ATF6: variants seen among roughly 807,000 people sequenced by gnomAD.
The protein encoded by ATF6 is activating transcription factor 6, also known as cyclic AMP-dependent transcription factor ATF-6 alpha.
ATF6 carries 53 observed loss-of-function variants against 83.6 expected under a neutral mutation model. The observed-to-expected ratio is 0.63, with a 90% CI of 0.51 to 0.80. ATF6 has a LOEUF of 0.80. ATF6 is among the 30% of genes least tolerant of loss of function. The probability of loss-of-function intolerance (pLI) is 0.00; values close to 1 mark genes in which losing one functional copy is unlikely to be tolerated. For missense variants in ATF6, 744 were observed against 797.9 expected, an observed-to-expected ratio of 0.93 and a Z score of 0.81; for synonymous variants, 288 against 285.8, an observed-to-expected ratio of 1.01 and a Z score of -0.08.
intron 11 of ATF6, 78 bp downstream of exon 11, chr1:161,851,913 C>A: frequency 3.0e-6 from 3 of 986,126 alleles, no homozygotes; most frequent in South Asian, 2.8e-5. Context: ...AGTAATTGGT[C>A]AAGTTCACTA....
chr1:161,953,466 G>A (rs1208459448), intron 15 of ATF6, among the ~76,000 whole-genome samples: 1 of 152,064 alleles, frequency 6.6e-6, no homozygotes. Flanking sequence ...AACTAGACAA[G>A]CTCTCCCTAT....
At chr1:161,858,862 T>C (rs919309036) in intron 12 of ATF6, among the ~76,000 whole-genome samples, 6 of 152,206 alleles carry the variant, frequency 3.9e-5, no homozygotes, top group African/African-American at 1.4e-4. Flanking sequence ...TCTCTGTAAC[T>C]TGGCTTTTCC....
Position 161,963,551 on chromosome 1 carries a change from T to C in ATF6, c.*4897T>C, listed in dbSNP as rs1689146744. 6.6e-6 allele frequency: 1 copy of C among 152,204 alleles called. No individual in the cohort carries two copies. The highest frequency in any genetic ancestry group is 6.5e-5 in the Admixed American group (1 of 15,284). 9.4% of individuals were successfully genotyped at this position (152,204 alleles called of 1,614,324 possible). The stretch of plus-strand genomic sequence containing the variant: ...ACACTATTGTGCTGTTTGCTCTCAA[T>C]GAAGTTGAATAAACCAGGAGGCTTG... On this transcript the variant is annotated 3_prime_UTR_variant, in exon 16 of 16. Coordinates refer to ENST00000367942, the MANE Select transcript of ATF6 (RefSeq NM_007348.4).
intron 7 of ATF6, among the ~76,000 whole-genome samples, chr1:161,813,945 T>C (rs574690011): frequency 1.3e-4 from 19 of 151,620 alleles, no homozygotes; most frequent in Admixed American, 3.9e-4. Context: ...AGTGCAATGG[T>C]GTGATCTCGG....
chr1:161,823,074 C>T (rs1050289582), intron 9 of ATF6, among the ~76,000 whole-genome samples: 7 of 151,756 alleles, frequency 4.6e-5, no homozygotes, highest in Non-Finnish European at 1.0e-4. Context: ...CTTGGGAACC[C>T]CTTTGTACCC....
chr1:161,925,621 T>C (rs1688297763), intron 15 of ATF6, among the ~76,000 whole-genome samples: 1 of 152,186 alleles, frequency 6.6e-6, no homozygotes, highest in Admixed American at 6.5e-5. Flanking sequence ...CCCTGCTAAA[T>C]TGGAGGCTTC....
chr1:161,840,908 C>T (rs773337154), intron 9 of ATF6, among the ~76,000 whole-genome samples: 30 of 152,066 alleles, frequency 2.0e-4, no homozygotes, highest in African/African-American at 2.9e-4. Context: ...TTGTTTTAAA[C>T]GTACTGAGTA....
chr1:161,785,028 T>C (rs1414514880), intron 4 of ATF6, among the ~76,000 whole-genome samples: 1 of 152,218 alleles, frequency 6.6e-6, no homozygotes, highest in African/African-American at 2.4e-5. Flanking sequence ...CTTTCCATGA[T>C]CTGGCCCCCA....
intron 14 of ATF6, among the ~76,000 whole-genome samples, chr1:161,897,041 C>T (rs1687689578): frequency 6.6e-6 from 1 of 152,186 alleles, no homozygotes. Flanking sequence ...AACAAATTAA[C>T]ATCCCTTTCA....
At chr1:161,928,115 C>T (rs1688355149) in intron 15 of ATF6, among the ~76,000 whole-genome samples, 4 of 152,126 alleles carry the variant, frequency 2.6e-5, no homozygotes, top group Admixed American at 2.6e-4. Context: ...TAAACATTTT[C>T]CCCATTTTAC....
In ATF6 at chr1:161,802,064, T is replaced by C; in HGVS notation, c.701T>C (p.Leu234Ser). The change falls in exon 7 of 16, where the codon TTG (leucine) becomes TCG (serine). Residue 234 changes from leucine to serine, a missense_variant. Physicochemically the swap from Leu to Ser is moderately radical, Grantham distance 145 (BLOSUM62 -2). Coordinates refer to ENST00000367942, the MANE Select transcript of ATF6 (RefSeq NM_007348.4). ...TTTTCTAACGCAGGCCAGACGGTTT[T>C]GCTGTCTCAGCCTACTGTGGTACAA... ...QPAPTKGQTVLLSQPTVVQLQ... is the reference protein window; with the variant it reads ...QPAPTKGQTVSLSQPTVVQLQ... 1 of 1,614,096 alleles carries C rather than the reference T, an allele frequency of 6.2e-7. No homozygotes were observed. The highest frequency in any genetic ancestry group is 1.1e-5 in the South Asian group (1 of 91,088).
intron 7 of ATF6, among the ~76,000 whole-genome samples, chr1:161,809,865 T>C (rs1049946107): frequency 6.6e-6 from 1 of 152,254 alleles, no homozygotes; most frequent in African/African-American, 2.4e-5. Flanking sequence ...GTTCATATCT[T>C]TCGCCCACTT....
intron 15 of ATF6, among the ~76,000 whole-genome samples, chr1:161,945,977 CAGACCT>C (rs1371881739): frequency 2.0e-5 from 3 of 152,150 alleles, no homozygotes; most frequent in Admixed American, 6.5e-5. Context: ...TACCTGACTT[CAGACCT>C]ACAGAGTCTG....
chr1:161,825,842 T>C (rs1354985453), intron 9 of ATF6, among the ~76,000 whole-genome samples: 1 of 152,144 alleles, frequency 6.6e-6, no homozygotes, highest in Non-Finnish European at 1.5e-5. Context: ...GGTTGAGGGA[T>C]GGGACTGAAA....
intron 9 of ATF6, among the ~76,000 whole-genome samples, chr1:161,823,035 G>A (rs1223553489): frequency 6.6e-6 from 1 of 152,010 alleles, no homozygotes; most frequent in Non-Finnish European, 1.5e-5. Flanking sequence ...TAGTGTAAAT[G>A]TGCCATAATT....
At chr1:161,845,586 A>G (rs866496532) in intron 9 of ATF6, among the ~76,000 whole-genome samples, 2 of 151,936 alleles carry the variant, frequency 1.3e-5, no homozygotes, top group African/African-American at 2.4e-5. Context: ...TGGGCAACAT[A>G]GTGAGACCTC....
chr1:161,873,824 T>C (rs962656353), intron 14 of ATF6, among the ~76,000 whole-genome samples: 1 of 151,620 alleles, frequency 6.6e-6, no homozygotes, highest in Non-Finnish European at 1.5e-5. Flanking sequence ...ATCTTAGTCA[T>C]GACTTTGTTC....
intron 9 of ATF6, among the ~76,000 whole-genome samples, chr1:161,831,980 C>T (rs1456444673): frequency 6.7e-6 from 1 of 148,268 alleles, no homozygotes; most frequent in African/African-American, 2.5e-5. Flanking sequence ...TCCAGAGATA[C>T]AGAGCCAGTT....
At chr1:161,808,403 A>G (rs1487361800) in intron 7 of ATF6, among the ~76,000 whole-genome samples, 1 of 152,050 alleles carries the variant, frequency 6.6e-6, no homozygotes, top group Non-Finnish European at 1.5e-5. Context: ...ATTCTTCTGG[A>G]GACAGTTCTT....
Sources: gnomAD v4.1 joint callset for allele counts (sites outside exome capture counted in the v4.1 genomes callset) on GRCh38, gnomAD v4.1.1 for gene constraint, MANE v1.5 for transcripts, NCBI Gene and HGNC (gene_info 2026-07-23, HGNC 2026-07-21) for gene names.